The following PHF20L1 variants were observed in gnomAD, a reference collection of about 807,000 sequenced individuals.
The protein encoded by PHF20L1 is PHD finger protein 20 like 1.
Under a neutral mutation model 125.5 loss-of-function variants are expected in PHF20L1, and 44 were observed. That is an observed-to-expected ratio of 0.35 (90% CI 0.28 to 0.45). PHF20L1 has a LOEUF of 0.45. Among genes scored for constraint, PHF20L1 ranks in the 20% least tolerant of loss-of-function variants. The probability of loss-of-function intolerance (pLI) is 1.00; values close to 1 mark genes in which losing one functional copy is unlikely to be tolerated. For missense variants in PHF20L1, 1,012 were observed against 1,217.2 expected (o/e 0.83, Z 2.51); for synonymous variants, 380 against 403.1 (o/e 0.94, Z 0.69).
In PHF20L1 at chr8:132,845,923, A is replaced by T. The variant is rs1320958693; in HGVS notation, c.3054A>T (p.Ter1018CysextTer3). The T allele has an allele frequency of 6.2e-7, 1 of 1,608,864 alleles. No individual in the cohort carries two copies. Among genetic ancestry groups the T allele is most frequent in the Admixed American group, 1.7e-5 (1 of 59,604 alleles). The part of the protein sequence containing the change: ...VQQIATLCSV[*>C] ...AGATAGCAACTCTTTGCTCTGTATG[A>T]CAACAGTGAACACTTAATGAAAGAA... Residue 1018 changes from the stop codon to cysteine, a stop_lost, in exon 21 of 21, where the codon TGA (stop) becomes TGT (cysteine). Transcript: ENST00000395386.
chr8:132,824,096 T>G (rs1159905993), intron 13 of PHF20L1, 36 bp downstream of exon 13: 2 of 1,359,806 alleles, frequency 1.5e-6, no homozygotes, highest in African/African-American at 2.9e-5. Context: ...CAAAAGACTA[T>G]AAAGCTTGAC....
intron 9 of PHF20L1, chr8:132,811,588 T>G: frequency 4.1e-6 from 4 of 983,706 alleles, no homozygotes; most frequent in Non-Finnish European, 4.8e-6. Context: ...TTTGCTAGGA[T>G]GTATATTTTA....
rs761555867 is a variant in PHF20L1, at chr8:132,839,378, C to T, written c.2192-9C>T. 5 of 1,602,182 alleles carry T rather than the reference C, an allele frequency of 3.1e-6. No individual in the cohort carries two copies. In the African/African-American group the frequency reaches 4.0e-5, roughly 13 times the overall value. On this transcript the variant is annotated splice_polypyrimidine_tract_variant and intron_variant, in intron 17 of 20. Transcript: ENST00000395386. ...GTCCTCTGTGATTTAATATCAACTTCATCTGCAGGTCAGAGGTGGAGTGCA... is the reference window on the plus strand; with the variant it reads ...GTCCTCTGTGATTTAATATCAACTTTATCTGCAGGTCAGAGGTGGAGTGCA...
intron 4 of PHF20L1, among the ~76,000 whole-genome samples, chr8:132,795,193 C>T (rs1432259131): frequency 6.6e-6 from 1 of 152,054 alleles, no homozygotes; most frequent in South Asian, 2.1e-4. Context: ...CAAATCAGTT[C>T]AATTCACAAG....
At chr8:132,784,139 A>G (rs903184237) in intron 2 of PHF20L1, among the ~76,000 whole-genome samples, 13 of 152,196 alleles carry the variant, frequency 8.5e-5, no homozygotes, top group South Asian at 2.1e-4. Context: ...GAAAAGCATG[A>G]TTTAGGGACA....
At chr8:132,781,813 A>G (rs890600748) in intron 2 of PHF20L1, among the ~76,000 whole-genome samples, 1 of 152,202 alleles carries the variant, frequency 6.6e-6, no homozygotes, top group Non-Finnish European at 1.5e-5. Flanking sequence ...ATCAGTACTA[A>G]TGGACACAGG....
Position 132,814,803 on chromosome 8 carries a change from C to G in PHF20L1, c.1097C>G (p.Pro366Arg), listed in dbSNP as rs774231658. 7 of 1,612,296 alleles carry G rather than the reference C, an allele frequency of 4.3e-6. No homozygotes were observed. Among genetic ancestry groups the G allele is most frequent in the Non-Finnish European group, 5.9e-6 (7 of 1,178,634 alleles). ...SGDSSGCIKPPKSPLSPELIQ... is the reference protein window; with the variant it reads ...SGDSSGCIKPRKSPLSPELIQ... ...GATTCTTCTGGGTGTATAAAACCCC[C>G]TAAATCACCACTTTCCCCAGAATTA... The change falls in exon 10 of 21, where the codon CCT (proline) becomes CGT (arginine). Residue 366 changes from proline (P) to arginine (R), a missense_variant. Physicochemically the swap from Pro to Arg is moderately radical, Grantham distance 103 (BLOSUM62 -2). Transcript: ENST00000395386.
At chr8:132,823,165 A>G (rs1162413379) in intron 12 of PHF20L1, among the ~76,000 whole-genome samples, 1 of 151,966 alleles carries the variant, frequency 6.6e-6, no homozygotes, top group South Asian at 2.1e-4. Flanking sequence ...TTTGTATTTT[A>G]CATTTATATA....
rs916662219 is a variant in PHF20L1, at chr8:132,843,682, T to C, written c.2749-474T>C. On this transcript the variant is annotated intron_variant, in intron 19 of 20. Coordinates refer to ENST00000395386, the MANE Select transcript of PHF20L1 (RefSeq NM_016018.5). ...GAAACTTGTAAAAGGTTTTTGCCTTTCCCTCCCTTCATTGATTTACTGTAC... is the reference window on the plus strand; with the variant it reads ...GAAACTTGTAAAAGGTTTTTGCCTTCCCCTCCCTTCATTGATTTACTGTAC... The C allele has an allele frequency of 3.0e-6, 3 of 984,864 alleles. No individual in the cohort carries two copies. The African/African-American group carries it at 5.3e-5, about 17-fold the overall frequency. The allele number at this position is 984,864 out of a possible 1,614,324, so 61.0% of individuals were successfully genotyped here.
chr8:132,825,406 TA>T lies in PHF20L1; in HGVS notation c.1744+39del, dbSNP rs760844163. The T allele has an allele frequency of 4.9e-6, 7 of 1,442,912 alleles. No homozygotes were observed. The South Asian group carries it at 9.7e-5, about 20-fold the overall frequency. 89.4% of individuals were successfully genotyped at this position (1,442,912 alleles called of 1,614,324 possible). ...CTGAGATGATTATTCCCTCTTTTTT[TA>T]AAATTTGAAGTTTCCTTTGATTCCC... On this transcript the variant is annotated intron_variant, in intron 14 of 20. Coordinates refer to ENST00000395386, the MANE Select transcript of PHF20L1 (RefSeq NM_016018.5).
At chr8:132,829,133 G>A (rs983026075) in intron 14 of PHF20L1, among the ~76,000 whole-genome samples, 2 of 152,036 alleles carry the variant, frequency 1.3e-5, no homozygotes, top group African/African-American at 2.4e-5. Context: ...GGAATGCCAA[G>A]TTTTACCTAT....
chr8:132,788,146 CTTGTT>C (rs1831267077), intron 2 of PHF20L1, among the ~76,000 whole-genome samples: 1 of 152,016 alleles, frequency 6.6e-6, no homozygotes, highest in African/African-American at 2.4e-5. Context: ...AGAGAACATC[CTTGTT>C]CAGATACTCT....
At chr8:132,832,175 T>C in intron 14 of PHF20L1, 60 bp from the exon 15 acceptor site, 1 of 1,087,304 alleles carries the variant, frequency 9.2e-7, no homozygotes, top group Non-Finnish European at 1.4e-6. Flanking sequence ...TCGTTATTTT[T>C]ATAGTGACCT....
intron 8 of PHF20L1, chr8:132,807,730 C>A: frequency 2.2e-6 from 1 of 455,696 alleles, no homozygotes; most frequent in Non-Finnish European, 4.4e-6. Flanking sequence ...CAGGAAGAGA[C>A]CAGCTGTGTA....
chr8:132,813,458 T>G (rs1834610228), intron 9 of PHF20L1, among the ~76,000 whole-genome samples: 2 of 151,942 alleles, frequency 1.3e-5, no homozygotes, highest in South Asian at 2.1e-4. Context: ...AAAATTTGAC[T>G]TGTATCTCAG....
At chr8:132,795,373 A>G (rs1832266684) in intron 4 of PHF20L1, among the ~76,000 whole-genome samples, 1 of 152,140 alleles carries the variant, frequency 6.6e-6, no homozygotes, top group South Asian at 2.1e-4. Context: ...TACTGAGCCA[A>G]AGTTGCTTAA....
chr8:132,812,511 A>G (rs1834513655), intron 9 of PHF20L1: 44 of 984,876 alleles, frequency 4.5e-5, no homozygotes, highest in Non-Finnish European at 5.3e-5. Flanking sequence ...TCATAATTAA[A>G]AACTTTTGAG....
chr8:132,820,077 T>C (rs1332020982), intron 12 of PHF20L1, among the ~76,000 whole-genome samples: 6 of 151,776 alleles, frequency 4.0e-5, no homozygotes, highest in Non-Finnish European at 7.4e-5. Context: ...CTCTCGTATG[T>C]TCTTCTGCTG....
chr8:132,779,760 A>G (rs1352771663), intron 2 of PHF20L1, among the ~76,000 whole-genome samples: 2 of 152,232 alleles, frequency 1.3e-5, no homozygotes, highest in Admixed American at 6.5e-5. Flanking sequence ...TCAAAAGACT[A>G]CAAAAAAGAA....
Sources: gnomAD v4.1 joint callset for allele counts (sites outside exome capture counted in the v4.1 genomes callset) on GRCh38, gnomAD v4.1.1 for gene constraint, MANE v1.5 for transcripts, NCBI Gene and HGNC (gene_info 2026-07-23, HGNC 2026-07-21) for gene names.